Variants in MIPEP observed in about 807,000 individuals in gnomAD.
MIPEP encodes the protein mitochondrial intermediate peptidase.
In MIPEP, 79 loss-of-function variants were observed where a neutral mutation model predicts 90.3. That is an observed-to-expected ratio of 0.87 (90% CI 0.73 to 1.05). The LOEUF (loss-of-function observed/expected upper bound fraction) is 1.05, where lower values mean the gene tolerates loss of function less well. MIPEP is among the 50% of genes least tolerant of loss of function. The pLI is 0.00. For synonymous variants in MIPEP, 334 were observed against 315.8 expected (o/e 1.06, Z -0.61); for missense variants, 940 against 905.6 (o/e 1.04, Z -0.49).
At chr13:23,760,025 A>T (rs1471218316) in intron 17 of MIPEP, 71 bp downstream of exon 17, 1 of 1,598,180 alleles carries the variant, frequency 6.3e-7, no homozygotes, top group African/African-American at 1.3e-5. Context: ...CTCGAGCCCG[A>T]CTTCCAGATG....
At chr13:23,745,121 G>A (rs1050629697) in intron 18 of MIPEP, among the ~76,000 whole-genome samples, 9 of 151,966 alleles carry the variant, frequency 5.9e-5, no homozygotes, top group Non-Finnish European at 1.2e-4. Flanking sequence ...TTATGTGATG[G>A]GTCACAAAAA....
intron 18 of MIPEP, among the ~76,000 whole-genome samples, chr13:23,735,617 C>T (rs1299412839): frequency 6.6e-6 from 1 of 152,052 alleles, no homozygotes; most frequent in African/African-American, 2.4e-5. Context: ...TTAAACAATT[C>T]CTGTATCTCA....
chr13:23,769,879 G>A (rs1952630979), intron 16 of MIPEP, among the ~76,000 whole-genome samples: 1 of 152,116 alleles, frequency 6.6e-6, no homozygotes, highest in Non-Finnish European at 1.5e-5. Context: ...ACTATCATGG[G>A]AGTGGGACTG....
chr13:23,777,302 C>T (rs1421272286), intron 16 of MIPEP, among the ~76,000 whole-genome samples: 1 of 152,170 alleles, frequency 6.6e-6, no homozygotes, highest in Non-Finnish European at 1.5e-5. Context: ...TCTGTTGTTC[C>T]TGTCTTCATG....
intron 18 of MIPEP, among the ~76,000 whole-genome samples, chr13:23,746,670 A>G (rs537252236): frequency 9.9e-5 from 15 of 151,680 alleles, no homozygotes; most frequent in Admixed American, 2.0e-4. Flanking sequence ...AAGGAACACC[A>G]TCTATAACAA....
At chr13:23,827,912 T>C (rs927089087) in intron 14 of MIPEP, among the ~76,000 whole-genome samples, 2 of 152,068 alleles carry the variant, frequency 1.3e-5, no homozygotes, top group African/African-American at 4.8e-5. Flanking sequence ...GCCTGGGCGA[T>C]GGAGGGAGAC....
chr13:23,888,147 C>T (rs901520601), intron 1 of MIPEP: 1 of 431,868 alleles, frequency 2.3e-6, no homozygotes, highest in African/African-American at 2.1e-5. Flanking sequence ...ATATCTCATC[C>T]ACCCAAAATC....
At chr13:23,815,961 A>G in intron 14 of MIPEP, among the ~76,000 whole-genome samples, 1 of 152,230 alleles carries the variant, frequency 6.6e-6, no homozygotes, top group East Asian at 1.9e-4. Context: ...TGACGATCAA[A>G]TGTATCTCAT....
intron 9 of MIPEP, 32 bp downstream of exon 9, chr13:23,862,270 A>G (rs1248192247): frequency 7.8e-7 from 1 of 1,284,326 alleles, no homozygotes; most frequent in African/African-American, 1.5e-5. Context: ...CAGACTGTCT[A>G]TATTATAATA....
chr13:23,738,024 T>A (rs1642774705), intron 18 of MIPEP, among the ~76,000 whole-genome samples: 2 of 152,242 alleles, frequency 1.3e-5, no homozygotes, highest in East Asian at 3.8e-4. Flanking sequence ...GATCCAAATT[T>A]AATGAAACTC....
rs115120339 is a variant in MIPEP at position 23,751,663 on chromosome 13, C to T, written c.2044+4882G>A. ...CCTTCCCCTCCCCTCAGATTCTTTG[C>T]GGAAGAGTTGAAGAAAGAGAGCATA... On this transcript the variant is annotated intron_variant, in intron 18 of 18. Coordinates refer to ENST00000382172, the MANE Select transcript of MIPEP (RefSeq NM_005932.4). Among the ~76,000 whole-genome samples, 1,055 of 152,140 alleles carry T rather than the reference C, an allele frequency of 6.9e-3. 11 individuals carry two copies. The highest frequency in any genetic ancestry group is 0.022 in the African/African-American group (927 of 41,496).
At chr13:23,802,121 T>C (rs1953049635) in intron 16 of MIPEP, among the ~76,000 whole-genome samples, 1 of 152,222 alleles carries the variant, frequency 6.6e-6, no homozygotes, top group South Asian at 2.1e-4. Context: ...CATCTGATAC[T>C]GTCAATTGTT....
Position 23,771,541 on chromosome 13 carries a change from AC to A in MIPEP, c.1849-11325del, listed in dbSNP as rs1240139336. Among the ~76,000 whole-genome samples, 22 of 148,486 alleles carry A rather than the reference AC, an allele frequency of 1.5e-4. 1 individual carries two copies. Among genetic ancestry groups the A allele is most frequent in the African/African-American group, 5.5e-4 (22 of 39,790 alleles). The stretch of plus-strand genomic sequence containing the variant: ...ACTAATTTGCTGACTACACACACAC[AC>A]ACACACACACACACACACACACACA... On this transcript the variant is annotated intron_variant, in intron 16 of 18. Transcript: ENST00000382172.
At chr13:23,756,722 C>T in intron 17 of MIPEP, 104 bp from the exon 18 acceptor site, 1 of 1,112,562 alleles carries the variant, frequency 9.0e-7, no homozygotes, top group South Asian at 1.4e-5. Context: ...TTCATAAAAG[C>T]TGCCACCATG....
intron 1 of MIPEP, chr13:23,888,532 G>C (rs1026357071): frequency 5.0e-5 from 11 of 219,874 alleles, no homozygotes; most frequent in Non-Finnish European, 7.7e-5. Flanking sequence ...GACTTCCTGG[G>C]GTAAGAAATC....
chr13:23,758,833 G>T (rs1233884483), intron 17 of MIPEP, among the ~76,000 whole-genome samples: 1 of 152,148 alleles, frequency 6.6e-6, no homozygotes, highest in Non-Finnish European at 1.5e-5. Context: ...AGGTGGGAGG[G>T]AGAAAAAACC....
intron 18 of MIPEP, among the ~76,000 whole-genome samples, chr13:23,754,711 G>A (rs1200441153): frequency 1.3e-5 from 2 of 152,144 alleles, no homozygotes; most frequent in Admixed American, 1.3e-4. Flanking sequence ...CATGGCCTGG[G>A]AAAGGATGAG....
At chr13:23,731,895 A>G (rs372776535) in intron 18 of MIPEP, among the ~76,000 whole-genome samples, 30 of 152,098 alleles carry the variant, frequency 2.0e-4, no homozygotes, top group African/African-American at 7.2e-4. Context: ...AAGACATTCA[A>G]CATCATTAGT....
At chr13:23,823,673 T>A (rs1470768886) in intron 14 of MIPEP, among the ~76,000 whole-genome samples, 1 of 152,040 alleles carries the variant, frequency 6.6e-6, no homozygotes, top group African/African-American at 2.4e-5. Flanking sequence ...TACAAAAAAA[T>A]TTAAAATTAG....
Sources: gnomAD v4.1 joint callset for allele counts (sites outside exome capture counted in the v4.1 genomes callset) on GRCh38, gnomAD v4.1.1 for gene constraint, MANE v1.5 for transcripts, NCBI Gene and HGNC (gene_info 2026-07-23, HGNC 2026-07-21) for gene names.